PDSS2: variants seen among roughly 807,000 people sequenced by gnomAD.
The protein encoded by PDSS2 is all trans-polyprenyl-diphosphate synthase PDSS2.
Under a neutral mutation model 44.5 loss-of-function variants are expected in PDSS2, and 31 were observed. The observed-to-expected ratio is 0.70, with a 90% confidence interval of 0.52 to 0.94. The LOEUF (loss-of-function observed/expected upper bound fraction) is 0.94. Among genes scored for constraint, PDSS2 ranks in the 40% least tolerant of loss-of-function variants. The pLI, the probability that PDSS2 is intolerant of heterozygous loss-of-function variation, is 0.00. For missense variants in PDSS2, 452 were observed against 482.2 expected, an observed-to-expected ratio of 0.94 and a Z score of 0.59; for synonymous variants, 157 against 180.3, an observed-to-expected ratio of 0.87 and a Z score of 1.03.
intron 1 of PDSS2, among the ~76,000 whole-genome samples, chr6:107,385,074 C>G (rs546844681): frequency 6.6e-6 from 1 of 152,136 alleles, no homozygotes; most frequent in Non-Finnish European, 1.5e-5. Context: ...ACTTTTATAG[C>G]AAGGCTTTCC....
intron 6 of PDSS2, among the ~76,000 whole-genome samples, chr6:107,194,186 C>T (rs3734679): frequency 0.23 from 35,621 of 152,086 alleles, 5,130 homozygotes; most frequent in East Asian, 0.49. Context: ...AATGAACTCA[C>T]AATAATGCCA....
Position 107,296,587 on chromosome 6 carries a change from C to T in PDSS2, c.432-22360G>A, listed in dbSNP as rs148400555. The stretch of plus-strand genomic sequence containing the variant: ...CTAAAAATATAAAAAATTAGCTGGG[C>T]GTGGTGGCAGGAGCCTGTAATCCCA... On this transcript the variant is annotated intron_variant, in intron 2 of 7. Coordinates refer to ENST00000369037, the MANE Select transcript of PDSS2 (RefSeq NM_020381.4). 2.3e-3 allele frequency among the ~76,000 whole-genome samples: 347 copies of T among 152,060 alleles called. 1 individual carries two copies. The highest frequency in any genetic ancestry group is 7.4e-3 in the African/African-American group (306 of 41,488).
chr6:107,422,440 C>T (rs1013924830), intron 1 of PDSS2, among the ~76,000 whole-genome samples: 1 of 151,878 alleles, frequency 6.6e-6, no homozygotes, highest in Non-Finnish European at 1.5e-5. Flanking sequence ...TATTCATACT[C>T]TTAATCCCAA....
At chr6:107,280,877 T>A (rs1049725329) in intron 2 of PDSS2, among the ~76,000 whole-genome samples, 9 of 152,132 alleles carry the variant, frequency 5.9e-5, no homozygotes, top group Non-Finnish European at 1.0e-4. Flanking sequence ...TTTTGAGAGG[T>A]TAAAAATATA....
chr6:107,247,589 T>G (rs1198017849), intron 3 of PDSS2, among the ~76,000 whole-genome samples: 1 of 152,170 alleles, frequency 6.6e-6, no homozygotes, highest in East Asian at 1.9e-4. Flanking sequence ...GGAAAGAGAT[T>G]ATAAAAAGCA....
intron 4 of PDSS2, among the ~76,000 whole-genome samples, chr6:107,234,330 C>T (rs567592036): frequency 2.2e-4 from 34 of 152,110 alleles, no homozygotes; most frequent in African/African-American, 3.9e-4. Context: ...CTCAGCCTCC[C>T]GGGTAGCTGG....
At chr6:107,242,618 T>C (rs1250410961) in intron 4 of PDSS2, among the ~76,000 whole-genome samples, 1 of 152,110 alleles carries the variant, frequency 6.6e-6, no homozygotes, top group African/African-American at 2.4e-5. Flanking sequence ...TCACAGCTTA[T>C]TGTAACGTCA....
chr6:107,408,340 T>C (rs1195748286), intron 1 of PDSS2, among the ~76,000 whole-genome samples: 2 of 152,198 alleles, frequency 1.3e-5, no homozygotes, highest in Non-Finnish European at 2.9e-5. Context: ...TAAATGATTA[T>C]TTAACACTCC....
intron 1 of PDSS2, among the ~76,000 whole-genome samples, chr6:107,364,487 G>T (rs1480136071): frequency 6.6e-6 from 1 of 152,242 alleles, no homozygotes. Flanking sequence ...ACTGGCCCGG[G>T]TGCTAAGTCC....
chr6:107,452,286 G>A (rs1455541456), intron 1 of PDSS2, among the ~76,000 whole-genome samples: 1 of 151,092 alleles, frequency 6.6e-6, no homozygotes, highest in Non-Finnish European at 1.5e-5. Context: ...TGCCCAGGCT[G>A]GAGTGCAGTG....
intron 1 of PDSS2, among the ~76,000 whole-genome samples, chr6:107,435,698 T>C (rs1293174771): frequency 3.3e-5 from 5 of 152,178 alleles, no homozygotes; most frequent in Non-Finnish European, 7.4e-5. Context: ...CCTGTAATTA[T>C]TAAACACTGT....
At chr6:107,291,197 C>T (rs1335608545) in intron 2 of PDSS2, among the ~76,000 whole-genome samples, 41 of 152,060 alleles carry the variant, frequency 2.7e-4, no homozygotes, top group Admixed American at 2.7e-3. Flanking sequence ...ATTAGATAAA[C>T]ATAAGGATTT....
rs1479602667 is a variant in PDSS2 at position 107,284,526 on chromosome 6, T to C, written c.432-10299A>G. 2.0e-5 allele frequency among the ~76,000 whole-genome samples: 3 copies of C among 152,002 alleles called. No individual in the cohort carries two copies. The East Asian group carries it at 5.8e-4, about 29-fold the overall frequency. ...AAATACAAAAATTAGCCTGGCGTGGTGGCAGGCGCCTGTAATCCCAGCTAC... is the reference window on the plus strand; with the variant it reads ...AAATACAAAAATTAGCCTGGCGTGGCGGCAGGCGCCTGTAATCCCAGCTAC... On this transcript the variant is annotated intron_variant, in intron 2 of 7. Transcript: ENST00000369037.
intron 2 of PDSS2, among the ~76,000 whole-genome samples, chr6:107,301,707 T>A (rs1425295547): frequency 1.3e-5 from 2 of 152,142 alleles, no homozygotes; most frequent in Non-Finnish European, 2.9e-5. Flanking sequence ...CTCACACCTG[T>A]AAGCCCAGCA....
intron 1 of PDSS2, among the ~76,000 whole-genome samples, chr6:107,349,775 CA>C (rs1263284336): frequency 6.6e-6 from 1 of 151,870 alleles, no homozygotes; most frequent in African/African-American, 2.4e-5. Context: ...AACAAACAAA[CA>C]AAAGAACATT....
At chr6:107,221,911 A>G (rs1773621077) in intron 4 of PDSS2, among the ~76,000 whole-genome samples, 1 of 152,200 alleles carries the variant, frequency 6.6e-6, no homozygotes, top group African/African-American at 2.4e-5. Flanking sequence ...CTTTCACATA[A>G]TCAGAAAAGA....
At chr6:107,407,933 T>A (rs1317443096) in intron 1 of PDSS2, among the ~76,000 whole-genome samples, 1 of 152,076 alleles carries the variant, frequency 6.6e-6, no homozygotes, top group Non-Finnish European at 1.5e-5. Context: ...GCTCCTGACC[T>A]CGTGATCCGC....
intron 3 of PDSS2, among the ~76,000 whole-genome samples, chr6:107,269,002 C>T (rs1037373165): frequency 6.7e-6 from 1 of 150,360 alleles, no homozygotes; most frequent in East Asian, 2.0e-4. Flanking sequence ...TGCAGTGGTG[C>T]GATCTCGGCT....
At chr6:107,448,947 G>A (rs537206199) in intron 1 of PDSS2, among the ~76,000 whole-genome samples, 32 of 152,314 alleles carry the variant, frequency 2.1e-4, no homozygotes, top group African/African-American at 7.7e-4. Flanking sequence ...AAACAGCCTG[G>A]AGAAAACTAC....
Sources: gnomAD v4.1 joint callset for allele counts (sites outside exome capture counted in the v4.1 genomes callset) on GRCh38, gnomAD v4.1.1 for gene constraint, MANE v1.5 for transcripts, NCBI Gene and HGNC (gene_info 2026-07-23, HGNC 2026-07-21) for gene names.